Variants in PTPRT observed in about 807,000 individuals in gnomAD.
The protein encoded by PTPRT is protein tyrosine phosphatase receptor type T, also known as receptor-type tyrosine-protein phosphatase T.
Under a neutral mutation model 176.8 loss-of-function variants are expected in PTPRT, and 56 were observed. The ratio of observed to expected loss-of-function variants is 0.32; its 90% CI spans 0.26 to 0.40. The LOEUF (loss-of-function observed/expected upper bound fraction) is 0.40, where lower values mean the gene tolerates loss of function less well. Among genes scored for constraint, PTPRT ranks in the 10% least tolerant of loss-of-function variants. The pLI is 1.00. For synonymous variants in PTPRT, 783 were observed against 739.0 expected (o/e 1.06, Z -0.96); for missense variants, 1,540 against 1,908.2 (o/e 0.81, Z 3.60).
intron 1 of PTPRT, among the ~76,000 whole-genome samples, chr20:43,185,255 G>C (rs1052796130): frequency 3.3e-5 from 5 of 152,200 alleles, no homozygotes; most frequent in African/African-American, 9.7e-5. Context: ...TTATTGGAAT[G>C]CCATGGCCCT....
intron 14 of PTPRT, among the ~76,000 whole-genome samples, chr20:42,241,991 C>G (rs1336865927): frequency 6.6e-6 from 1 of 152,178 alleles, no homozygotes; most frequent in Non-Finnish European, 1.5e-5. Flanking sequence ...GTATGTGATT[C>G]CAGGTAATTT....
At chr20:42,494,324 T>G (rs1045385412) in intron 7 of PTPRT, among the ~76,000 whole-genome samples, 1 of 152,182 alleles carries the variant, frequency 6.6e-6, no homozygotes, top group Non-Finnish European at 1.5e-5. Flanking sequence ...ATTGCAAATG[T>G]TATAAGAATG....
downstream of PTPRT, among the ~76,000 whole-genome samples, chr20:42,069,237 C>T (rs1270228648): frequency 8.5e-5 from 13 of 152,200 alleles, no homozygotes; most frequent in Admixed American, 4.6e-4. Flanking sequence ...TGGCATGAGG[C>T]CATGAGTCTT....
intron 7 of PTPRT, among the ~76,000 whole-genome samples, chr20:42,513,201 GGTGTGTGTGTGTGTGT>G (rs58268839): frequency 6.2e-5 from 9 of 144,566 alleles, no homozygotes; most frequent in Admixed American, 1.4e-4. Flanking sequence ...CTATTGATGG[GGTGTGTGTGTGTGTGT>G]GTGTGTGTGT....
chr20:42,189,043 G>T (rs1223379121), intron 16 of PTPRT, among the ~76,000 whole-genome samples: 1 of 152,138 alleles, frequency 6.6e-6, no homozygotes, highest in Non-Finnish European at 1.5e-5. Flanking sequence ...TCCCAAGCAG[G>T]TTACCCTTCC....
At chr20:43,004,024 G>A (rs989130552) in intron 1 of PTPRT, among the ~76,000 whole-genome samples, 2 of 152,068 alleles carry the variant, frequency 1.3e-5, no homozygotes, top group African/African-American at 4.8e-5. Context: ...GAATATAAGT[G>A]AATTTACTTT....
At chr20:42,036,960 A>C in the PTPRT span, among the ~76,000 whole-genome samples, 3 of 152,202 alleles carry the variant, frequency 2.0e-5, no homozygotes, top group African/African-American at 7.2e-5. Context: ...TGTAGTTAAG[A>C]ATCACCAAAC....
intron 9 of PTPRT, among the ~76,000 whole-genome samples, chr20:42,369,381 C>G (rs1423139043): frequency 6.6e-6 from 1 of 152,186 alleles, no homozygotes; most frequent in Non-Finnish European, 1.5e-5. Flanking sequence ...AAGGAACGCA[C>G]TACCTGTCTC....
At chr20:43,087,379 TTTTTTTTTTC>T (rs1189888983) in intron 1 of PTPRT, among the ~76,000 whole-genome samples, 9 of 147,006 alleles carry the variant, frequency 6.1e-5, no homozygotes, top group Non-Finnish European at 1.0e-4. Flanking sequence ...TTTTTTTTTT[TTTTTTTTTTC>T]TCCGAAACAG....
At chr20:42,049,518 T>C in the PTPRT span, among the ~76,000 whole-genome samples, 1 of 152,222 alleles carries the variant, frequency 6.6e-6, no homozygotes, top group South Asian at 2.1e-4. Context: ...ACTACTCCTA[T>C]AAAATGCAAC....
intron 21 of PTPRT, among the ~76,000 whole-genome samples, chr20:42,117,073 C>T (rs541636425): frequency 1.6e-3 from 236 of 152,212 alleles, no homozygotes; most frequent in Middle Eastern, 3.4e-3. Flanking sequence ...GGCTGAGTGA[C>T]GTCAGGGTAG....
chr20:42,984,435 T>C (rs1983456885), intron 1 of PTPRT, among the ~76,000 whole-genome samples: 1 of 152,226 alleles, frequency 6.6e-6, no homozygotes, highest in Non-Finnish European at 1.5e-5. Flanking sequence ...CTCTCCACTT[T>C]CTGTAGAAGG....
chr20:42,586,195 C>T (rs950150987), intron 7 of PTPRT, among the ~76,000 whole-genome samples: 11 of 152,108 alleles, frequency 7.2e-5, no homozygotes, highest in East Asian at 3.8e-4. Flanking sequence ...AAAACATAAG[C>T]GCCTCCAAAT....
rs11477690 is a variant in PTPRT, at chr20:42,263,371, C to CTTT, written c.2177-14552_2177-14550dup. Reference sequence around the variant, plus strand: ...CACAGGCATGCGCTGCCATGCCTGGCTTTTTTTTTTTTTTTTTTTTTTTTT... The same window carrying CTTT: ...CACAGGCATGCGCTGCCATGCCTGGCTTTTTTTTTTTTTTTTTTTTTTTTTTTT... On this transcript the variant is annotated intron_variant, in intron 13 of 30. Coordinates refer to ENST00000373187, the MANE Select transcript of PTPRT (RefSeq NM_007050.6). 3.5e-3 allele frequency among the ~76,000 whole-genome samples: 179 copies of CTTT among 50,972 alleles called. 47 individuals are homozygous for CTTT. Among genetic ancestry groups the CTTT allele is most frequent in the African/African-American group, 0.018 (166 of 9,258 alleles). The allele number at this position is 50,972 out of a possible 152,430, so 33.4% of individuals were successfully genotyped here. A position where few individuals can be genotyped will look rare whatever the true frequency, so the allele number is the denominator to read the frequency against.
intron 18 of PTPRT, among the ~76,000 whole-genome samples, chr20:42,132,663 C>A (rs1988175007): frequency 6.6e-6 from 1 of 152,184 alleles, no homozygotes; most frequent in South Asian, 2.1e-4. Context: ...AACACTGACA[C>A]CACCACAGGC....
chr20:42,943,934 A>T (rs1023111237), intron 1 of PTPRT, among the ~76,000 whole-genome samples: 1 of 152,110 alleles, frequency 6.6e-6, no homozygotes, highest in Non-Finnish European at 1.5e-5. Context: ...CAGGAGGATC[A>T]CTTAAGCTCA....
At chr20:42,229,659 T>C (rs1248586205) in intron 15 of PTPRT, among the ~76,000 whole-genome samples, 1 of 152,224 alleles carries the variant, frequency 6.6e-6, no homozygotes, top group African/African-American at 2.4e-5. Flanking sequence ...TTACATTATG[T>C]CCATTGAATC....
intron 1 of PTPRT, among the ~76,000 whole-genome samples, chr20:42,943,485 C>A (rs1221223792): frequency 6.6e-6 from 1 of 152,150 alleles, no homozygotes; most frequent in Non-Finnish European, 1.5e-5. Flanking sequence ...CTTACTTCCC[C>A]TCCCAGGTGC....
At chr20:42,488,948 C>A in intron 7 of PTPRT, among the ~76,000 whole-genome samples, 1 of 98,060 alleles carries the variant, frequency 1.0e-5, no homozygotes, top group Admixed American at 9.2e-5. Context: ...AAAACTCTGT[C>A]TCAAAAAAAA....
Sources: gnomAD v4.1 joint callset for allele counts (sites outside exome capture counted in the v4.1 genomes callset) on GRCh38, gnomAD v4.1.1 for gene constraint, MANE v1.5 for transcripts, NCBI Gene and HGNC (gene_info 2026-07-23, HGNC 2026-07-21) for gene names.